Variants in HIRIP3 observed in about 807,000 individuals in gnomAD.
HIRIP3 encodes the protein HIRA-interacting protein 3.
Under a neutral mutation model 50.3 loss-of-function variants are expected in HIRIP3, and 40 were observed. That is an observed-to-expected ratio of 0.79 (90% CI 0.62 to 1.03). The LOEUF (loss-of-function observed/expected upper bound fraction) is 1.03, where lower values mean the gene tolerates loss of function less well. Among genes scored for constraint, HIRIP3 ranks in the 50% least tolerant of loss-of-function variants. HIRIP3 has a pLI of 0.00. For missense variants in HIRIP3, 765 were observed against 705.4 expected, an observed-to-expected ratio of 1.08 and a Z score of -0.96; for synonymous variants, 318 against 261.6, an observed-to-expected ratio of 1.22 and a Z score of -2.08.
At position 29,994,179 on chromosome 16, in the gene HIRIP3, C is replaced by T. The variant is rs1198433243; in HGVS notation, c.966G>A (p.Gln322=). 1.2e-6 allele frequency: 2 copies of T among 1,614,068 alleles called. No individual in the cohort carries two copies. Among genetic ancestry groups the T allele is most frequent in the Non-Finnish European group, 1.7e-6 (2 of 1,180,034 alleles). ...PVQRKSEDRT[Q]LKGGKRLSGS... is the part of the protein sequence containing the mutation. ...CACTCAACCTCTTCCCACCCTTAAG[C>T]TGGGTCCTGTCCTCACTCTTCCTCT... is the stretch of plus-strand genomic sequence containing the variant. The change falls in exon 4 of 7, where the codon CAG becomes CAA. Residue 322 remains glutamine, a synonymous_variant. Coordinates refer to ENST00000279392, the MANE Select transcript of HIRIP3 (RefSeq NM_003609.5).
chr16:29,995,780 T>C (rs2070085959), upstream of HIRIP3: 1 of 727,976 alleles, frequency 1.4e-6, no homozygotes, highest in South Asian at 1.8e-5. Flanking sequence ...TTGTTTTCTC[T>C]GGGCAGTTGG....
In HIRIP3 at chr16:29,993,286, T is replaced by C. The variant is rs1168969764; in HGVS notation, c.1592A>G (p.Asp531Gly). 1 of 1,549,086 alleles carries C rather than the reference T, an allele frequency of 6.5e-7. No individual in the cohort carries two copies. The highest frequency in any genetic ancestry group is 2.3e-5 in the East Asian group (1 of 44,216). Residue 531 changes from aspartate to glycine, a missense_variant, in exon 7 of 7, where the codon GAT becomes GGT. Physicochemically the swap from Asp to Gly is moderately conservative, Grantham distance 94 (BLOSUM62 -1). Coordinates refer to ENST00000279392, the MANE Select transcript of HIRIP3 (RefSeq NM_003609.5). ...GGGTGCGGGACGGGGCCGCTCTTCA[T>C]CTGAGTCCAGGGTCCGTCGGTACAG... ...GELYRRTLDSDEERPRPAPPD... is the reference protein window; with the variant it reads ...GELYRRTLDSGEERPRPAPPD...
In HIRIP3 at chr16:29,995,608, T is replaced by G; in HGVS notation, c.-3A>C. The G allele has an allele frequency of 6.2e-7, 1 of 1,612,170 alleles. No homozygotes were observed. The highest frequency in any genetic ancestry group is 8.5e-7 in the Non-Finnish European group (1 of 1,179,984). ...TGCATCTCCTTCTCCCGCGCCATTT[T>G]GCTCAACCCGGGATTGACGGCTCCC... On this transcript the variant is annotated 5_prime_UTR_variant, in exon 1 of 7. Transcript: ENST00000279392.
At chr16:29,996,064 G>A, upstream of HIRIP3, 1 of 596,738 alleles carries the variant, frequency 1.7e-6, no homozygotes, top group African/African-American at 1.9e-5. Flanking sequence ...TCCAGCGTCC[G>A]CCATTTTTGT....
intron 3 of HIRIP3, 69 bp downstream of exon 3, chr16:29,995,034 T>TG: frequency 2.6e-6 from 4 of 1,527,588 alleles, no homozygotes; most frequent in Non-Finnish European, 3.6e-6. Flanking sequence ...ACATAAGAGA[T>TG]GCGCAGTGAA....
rs2070039783 is a variant in HIRIP3 at position 29,994,446 on chromosome 16, G to A, written c.699C>T (p.Ala233=). ...CCTCCTCTCTCTGCTCTTTCTTCTG[G>A]GCTAGGATCTCCTCTTCACTCTCCT... The part of the protein sequence containing the change: ...SEQESEEEIL[A]QKKEQREEEV... The change falls in exon 4 of 7, where the codon GCC becomes GCT. Residue 233 remains alanine (A), a synonymous_variant. Coordinates refer to ENST00000279392, the MANE Select transcript of HIRIP3 (RefSeq NM_003609.5). The A allele has an allele frequency of 1.9e-6, 3 of 1,613,342 alleles. No individual in the cohort carries two copies. The highest frequency in any genetic ancestry group is 2.2e-5 in the East Asian group (1 of 44,844).
intron 2 of HIRIP3, 62 bp downstream of exon 2, chr16:29,995,281 C>T (rs942505711): frequency 2.5e-6 from 4 of 1,591,658 alleles, no homozygotes; most frequent in Admixed American, 3.4e-5. Flanking sequence ...CCGTCAGGCC[C>T]CTCCTCCTCA....
intron 1 of HIRIP3, 23 bp from the exon 2 acceptor site, chr16:29,995,486 C>T (rs751216828): frequency 3.7e-5 from 60 of 1,613,506 alleles, no homozygotes; most frequent in Non-Finnish European, 4.8e-5. Flanking sequence ...GGTGTCAGGA[C>T]GGAGTCCCGA....
Position 29,994,564 on chromosome 16 carries a change from T to G in HIRIP3, c.581A>C (p.Glu194Ala). 1 of 1,614,188 alleles carries G rather than the reference T, an allele frequency of 6.2e-7. No homozygotes were observed. Reference protein sequence around the residue: ...KASVSRKQAREESEESEAEPV... With the variant: ...KASVSRKQARAESEESEAEPV... ...TTCTGCCTCGCTCTCCTCACTTTCT[T>G]CCCTGGCCTGCTTCCTACTGACTGA... Residue 194 changes from glutamate (E) to alanine (A), a missense_variant, in exon 4 of 7, where the codon GAA (glutamate) becomes GCA (alanine). Glu to Ala is a moderately radical substitution (Grantham distance 107). Transcript: ENST00000279392.
At chr16:29,995,861 G>T (rs893906145), upstream of HIRIP3, 2 of 591,302 alleles carry the variant, frequency 3.4e-6, no homozygotes, top group Non-Finnish European at 6.0e-6. Flanking sequence ...CCAATTCGGC[G>T]CCGGCACCCT....
intron 4 of HIRIP3, 41 bp from the exon 5 acceptor site, chr16:29,993,849 C>CT (rs757179836): frequency 3.1e-6 from 5 of 1,610,564 alleles, no homozygotes; most frequent in Non-Finnish European, 4.2e-6. Context: ...CCTGCTGGGC[C>CT]TGAGGCAGGG....
Position 29,993,888 on chromosome 16 carries a change from A to AC in HIRIP3, c.1239+17dup. The AC allele has an allele frequency of 6.3e-7, 1 of 1,582,112 alleles. No individual in the cohort carries two copies. The highest frequency in any genetic ancestry group is 2.2e-5 in the East Asian group (1 of 44,504). On this transcript the variant is annotated intron_variant, in intron 4 of 6. Transcript: ENST00000279392. ...CCCTCTTCCCTAATAGTGGCCTCCCACCCCTCCTCACCCTCACCTTCCCTC... is the reference window on the plus strand; with the variant it reads ...CCCTCTTCCCTAATAGTGGCCTCCCACCCCCTCCTCACCCTCACCTTCCCTC...
In HIRIP3 at chr16:29,993,039, C is replaced by T. The variant is rs377528389; in HGVS notation, c.*168G>A. On this transcript the variant is annotated 3_prime_UTR_variant, in exon 7 of 7. Coordinates refer to ENST00000279392, the MANE Select transcript of HIRIP3 (RefSeq NM_003609.5). ...CCTTTATTGAGTCTTAAAAAATAAA[C>T]ACCTTAAAGGGACAGCGTGAAGCTG... The T allele has an allele frequency of 2.6e-5, 13 of 499,918 alleles. No individual in the cohort carries two copies. In the East Asian group the frequency reaches 3.4e-4, roughly 13 times the overall value. The allele number at this position is 499,918 out of a possible 1,614,324, so 31.0% of individuals were successfully genotyped here.
In HIRIP3 at chr16:29,995,418, C is replaced by A. The variant is rs1212196749; in HGVS notation, c.111G>T (p.Ser37=). The A allele has an allele frequency of 6.2e-7, 1 of 1,613,728 alleles. No homozygotes were observed. Among genetic ancestry groups the A allele is most frequent in the Non-Finnish European group, 8.5e-7 (1 of 1,179,886 alleles). The stretch of plus-strand genomic sequence containing the variant: ...CCTCGGGCTCCAGGTGGCTGCGGCC[C>A]GAGTGAGCTAAGTACCTCCGCCGCA... ...SIVRRRYLAH[S]GRSHLEPEEK... Residue 37 remains serine, a synonymous_variant, in exon 2 of 7, where the codon TCG becomes TCT. Coordinates refer to ENST00000279392, the MANE Select transcript of HIRIP3 (RefSeq NM_003609.5).
In HIRIP3 at chr16:29,993,354, A is replaced by G; in HGVS notation, c.1524T>C (p.Arg508=). Residue 508 remains arginine (R), a synonymous_variant, in exon 7 of 7, where the codon CGT becomes CGC. Coordinates refer to ENST00000279392, the MANE Select transcript of HIRIP3 (RefSeq NM_003609.5). ...IISGSGRPRR[R]TAWNPLGEAA... is the part of the protein sequence containing the mutation. ...CTTCTCCTAAAGGGTTCCAGGCTGT[A>G]CGTCTGCGTGGCCGGCCTAGGGGAA... 1 of 1,551,294 alleles carries G rather than the reference A, an allele frequency of 6.4e-7. No homozygotes were observed. Among genetic ancestry groups the G allele is most frequent in the Non-Finnish European group, 8.7e-7 (1 of 1,144,780 alleles).
chr16:29,994,804 G>A lies in HIRIP3; in HGVS notation c.341C>T (p.Pro114Leu). The part of the protein sequence containing the change: ...SEASSPDYFG[P>L]PAKNGVAAEV... ...TGCTGCCACCCCATTCTTTGCTGGG[G>A]GTCCAAAGTAGTCTGGGCTGGAGGC... is the stretch of plus-strand genomic sequence containing the variant. The change falls in exon 4 of 7, where the codon CCC becomes CTC. Residue 114 changes from proline (P) to leucine (L), a missense_variant. Physicochemically the swap from Pro to Leu is moderately conservative, Grantham distance 98. Transcript: ENST00000279392. 1.2e-6 allele frequency: 2 copies of A among 1,613,686 alleles called. No homozygotes were observed. The highest frequency in any genetic ancestry group is 1.7e-6 in the Non-Finnish European group (2 of 1,179,798).
chr16:29,993,846 G>A, intron 4 of HIRIP3, 38 bp from the exon 5 acceptor site: 1 of 1,611,110 alleles, frequency 6.2e-7, no homozygotes, highest in South Asian at 1.1e-5. Context: ...AAGCCTGCTG[G>A]GCCTGAGGCA....
chr16:29,993,985 G>A lies in HIRIP3; in HGVS notation c.1160C>T (p.Ser387Phe), dbSNP rs1347294660. ...CCTGCCTTTCCTGGAGCTCTTCTTG[G>A]AAGAGCGGTTCTTCCTCTCCCCCTG... The part of the protein sequence containing the change: ...GPQGERKNRS[S>F]KKSSRKGRTR... The change falls in exon 4 of 7, where the codon TCC (serine) becomes TTC (phenylalanine). Residue 387 changes from serine to phenylalanine, a missense_variant. By Grantham distance (155) the Ser-to-Phe change is radical. Coordinates refer to ENST00000279392, the MANE Select transcript of HIRIP3 (RefSeq NM_003609.5). 1 of 1,578,654 alleles carries A rather than the reference G, an allele frequency of 6.3e-7. No individual in the cohort carries two copies. Among genetic ancestry groups the A allele is most frequent in the Admixed American group, 1.8e-5 (1 of 54,644 alleles).
At position 29,995,113 on chromosome 16, in the gene HIRIP3, A is replaced by G. The variant is rs1349994009; in HGVS notation, c.291T>C (p.Asn97=). 6.2e-7 allele frequency: 1 copy of G among 1,614,146 alleles called. No individual in the cohort carries two copies. Among genetic ancestry groups the G allele is most frequent in the East Asian group, 2.2e-5 (1 of 44,888 alleles). ...GGAGGAAGCACTAACCCGACTCTGA[A>G]TTGAAGCGGAACCTTTTTCTCTCCG... ...SDPERKRFRF[N]SESESGSEAS... is the part of the protein sequence containing the mutation. Residue 97 remains asparagine (N), a synonymous_variant, in exon 3 of 7, where the codon AAT becomes AAC. Coordinates refer to ENST00000279392, the MANE Select transcript of HIRIP3 (RefSeq NM_003609.5).
Sources: allele counts gnomAD v4.1 joint callset, GRCh38; gene constraint gnomAD v4.1.1; transcripts MANE v1.5; gene names NCBI Gene and HGNC (gene_info 2026-07-23, HGNC 2026-07-21).